Variants in DCBLD2 observed in about 807,000 individuals in gnomAD.
The protein encoded by DCBLD2 is discoidin, CUB and LCCL domain containing 2, also known as discoidin, CUB and LCCL domain-containing protein 2.
DCBLD2 carries 54 observed loss-of-function variants against 86.8 expected under a neutral mutation model. The ratio of observed to expected loss-of-function variants is 0.62; its 90% confidence interval spans 0.50 to 0.78. The LOEUF is 0.78. Ranked by LOEUF, DCBLD2 falls within the 30% of genes least tolerant of loss-of-function variation. The probability of loss-of-function intolerance (pLI) is 0.00; values close to 1 mark genes in which losing one functional copy is unlikely to be tolerated. For synonymous variants in DCBLD2, 354 were observed against 341.3 expected (o/e 1.04, Z -0.41); for missense variants, 908 against 954.2 (o/e 0.95, Z 0.64).
Position 98,882,256 on chromosome 3 carries a change from TTAG to T in DCBLD2, c.206-492_206-490del, listed in dbSNP as rs147632126. Reference sequence around the variant, plus strand: ...CTGAACAAATAAAAGTAAATATAAATTAGTAGTCATTAAATATACATATACATG... The same window carrying T: ...CTGAACAAATAAAAGTAAATATAAATTAGTCATTAAATATACATATACATG... On this transcript the variant is annotated intron_variant, in intron 1 of 15. Coordinates refer to ENST00000326840, the MANE Select transcript of DCBLD2 (RefSeq NM_080927.4). Among the ~76,000 whole-genome samples, 1,351 of 152,274 alleles carry T rather than the reference TTAG, an allele frequency of 8.9e-3. 9 individuals carry two copies. Among genetic ancestry groups the T allele is most frequent in the Non-Finnish European group, 0.014 (921 of 68,014 alleles).
chr3:98,897,526 A>C (rs1943771438), intron 1 of DCBLD2, among the ~76,000 whole-genome samples: 1 of 152,154 alleles, frequency 6.6e-6, no homozygotes, highest in Admixed American at 6.5e-5. Flanking sequence ...TGCAGAGAGA[A>C]ATAAGTTTTT....
intron 3 of DCBLD2, among the ~76,000 whole-genome samples, chr3:98,840,688 G>T (rs1942604517): frequency 6.6e-6 from 1 of 152,028 alleles, no homozygotes; most frequent in African/African-American, 2.4e-5. Flanking sequence ...GTAAAGATGG[G>T]GGTCTCACTA....
chr3:98,815,254 G>A (rs983338197), intron 9 of DCBLD2: 6 of 152,146 alleles, frequency 3.9e-5, no homozygotes, highest in African/African-American at 1.4e-4. Context: ...CCGTAGATCT[G>A]GGAATTCCTT....
chr3:98,878,787 T>C (rs1190285390), intron 2 of DCBLD2, among the ~76,000 whole-genome samples: 1 of 152,146 alleles, frequency 6.6e-6, no homozygotes, highest in East Asian at 1.9e-4. Flanking sequence ...TTTCTGCAGC[T>C]TTCCATTCAC....
At chr3:98,826,227 A>G (rs575260910) in intron 3 of DCBLD2, among the ~76,000 whole-genome samples, 87 of 152,258 alleles carry the variant, frequency 5.7e-4, no homozygotes, top group African/African-American at 1.9e-3. Context: ...CTCTTAGGTT[A>G]GACAGCAAAG....
chr3:98,826,021 C>T (rs576093274), intron 3 of DCBLD2, among the ~76,000 whole-genome samples: 89 of 151,370 alleles, frequency 5.9e-4, no homozygotes, highest in Admixed American at 1.1e-3. Flanking sequence ...CTTAAGCACA[C>T]GGAAGCTGCA....
intron 3 of DCBLD2, among the ~76,000 whole-genome samples, chr3:98,838,422 G>C (rs1413105954): frequency 2.2e-3 from 281 of 127,378 alleles, no homozygotes; most frequent in African/African-American, 8.1e-3. Context: ...CGGCGGGGCA[G>C]AGGCGCTCCC....
chr3:98,807,838 G>A (rs918683773), intron 13 of DCBLD2: 1 of 255,876 alleles, frequency 3.9e-6, no homozygotes, highest in African/African-American at 2.2e-5. Flanking sequence ...GTCAGAAATT[G>A]TTCATATTAA....
In DCBLD2 at chr3:98,799,364, C is replaced by G. The variant is rs1406238725; in HGVS notation, c.*8G>C. On this transcript the variant is annotated 3_prime_UTR_variant, in exon 16 of 16. Transcript: ENST00000326840. ...TAAAACGATGCTTTGTAAAAAGCAG[C>G]ATCATCTTCAAAGGATTTCTTTAAA... The G allele has an allele frequency of 1.3e-6, 2 of 1,591,634 alleles. No homozygotes were observed. The highest frequency in any genetic ancestry group is 3.5e-5 in the Admixed American group (2 of 56,956).
chr3:98,843,688 C>T (rs918330043), intron 3 of DCBLD2, among the ~76,000 whole-genome samples: 1 of 152,058 alleles, frequency 6.6e-6, no homozygotes. Context: ...TAAAAATAAT[C>T]CATCATATAG....
chr3:98,830,941 G>C (rs1942309940), intron 3 of DCBLD2, among the ~76,000 whole-genome samples: 2 of 152,102 alleles, frequency 1.3e-5, no homozygotes, highest in Admixed American at 1.3e-4. Context: ...TCCTGTTGTA[G>C]AGATCATTCA....
intron 1 of DCBLD2, among the ~76,000 whole-genome samples, chr3:98,885,732 C>T (rs1410462043): frequency 6.6e-6 from 1 of 151,340 alleles, no homozygotes; most frequent in African/African-American, 2.4e-5. Flanking sequence ...ATTGGGAAAA[C>T]ATTCTTGATC....
chr3:98,863,504 C>G (rs1943084673), intron 2 of DCBLD2, among the ~76,000 whole-genome samples: 1 of 152,070 alleles, frequency 6.6e-6, no homozygotes, highest in South Asian at 2.1e-4. Context: ...GGTACTGGGA[C>G]CAAAACAGAG....
intron 2 of DCBLD2, among the ~76,000 whole-genome samples, chr3:98,880,887 A>C (rs2107521780): frequency 6.6e-6 from 1 of 152,292 alleles, no homozygotes; most frequent in East Asian, 1.9e-4. Context: ...CTGTCTCCTA[A>C]GCATTAATTA....
At chr3:98,896,449 T>C (rs760223440) in intron 1 of DCBLD2, among the ~76,000 whole-genome samples, 5 of 152,338 alleles carry the variant, frequency 3.3e-5, no homozygotes, top group African/African-American at 4.8e-5. Context: ...GAATGTCTTA[T>C]GATAAAATTT....
chr3:98,884,337 G>A (rs1353794301), intron 1 of DCBLD2, among the ~76,000 whole-genome samples: 2 of 151,500 alleles, frequency 1.3e-5, no homozygotes, highest in Non-Finnish European at 2.9e-5. Flanking sequence ...TGTAATAAAC[G>A]TGGATTTCTG....
rs147163433 is a variant in DCBLD2 at position 98,846,606 on chromosome 3, T to C, written c.571+2855A>G. ...AAAATAATAAGATTTTAGGAGCTGT[T>C]AAATGAGATTTCCCAAGATGATTAT... On this transcript the variant is annotated intron_variant, in intron 3 of 15. Transcript: ENST00000326840. Among the ~76,000 whole-genome samples the C allele has an allele frequency of 1.2e-3, 184 of 152,352 alleles. 1 individual carries two copies. The East Asian group carries it at 0.016, about 14-fold the overall frequency.
intron 9 of DCBLD2, among the ~76,000 whole-genome samples, chr3:98,816,863 C>T (rs1021564600): frequency 6.6e-6 from 1 of 152,144 alleles, no homozygotes; most frequent in African/African-American, 2.4e-5. Context: ...CTCACTGCAG[C>T]CTCAACCTCC....
intron 3 of DCBLD2, among the ~76,000 whole-genome samples, chr3:98,838,372 T>C: frequency 2.4e-5 from 2 of 84,804 alleles, no homozygotes; most frequent in African/African-American, 4.5e-5. Flanking sequence ...CCAGACGGGG[T>C]CTCGGCCGGG....
Sources: gnomAD v4.1 joint callset for allele counts (sites outside exome capture counted in the v4.1 genomes callset) on GRCh38, gnomAD v4.1.1 for gene constraint, MANE v1.5 for transcripts, NCBI Gene and HGNC (gene_info 2026-07-23, HGNC 2026-07-21) for gene names.